Variants in AFAP1 observed in about 807,000 individuals in gnomAD.
The protein encoded by AFAP1 is actin filament associated protein 1, also known as actin filament-associated protein 1.
AFAP1 carries 75 observed loss-of-function variants against 93.9 expected under a neutral mutation model. The ratio of observed to expected loss-of-function variants is 0.80; its 90% CI spans 0.66 to 0.97. The LOEUF is 0.97. Among genes scored for constraint, AFAP1 ranks in the 50% least tolerant of loss-of-function variants. AFAP1 has a pLI of 0.00. For synonymous variants in AFAP1, 517 were observed against 430.7 expected (o/e 1.20, Z -2.48); for missense variants, 1,201 against 1,050.8 (o/e 1.14, Z -1.98).
chr4:7,790,480 G>A (rs1469139905), intron 11 of AFAP1, among the ~76,000 whole-genome samples: 1 of 152,086 alleles, frequency 6.6e-6, no homozygotes, highest in African/African-American at 2.4e-5. Flanking sequence ...TTAATTCAGG[G>A]TTTCTCTTAA....
chr4:7,929,256 C>G (rs1174462084), intron 1 of AFAP1, among the ~76,000 whole-genome samples: 1 of 152,192 alleles, frequency 6.6e-6, no homozygotes, highest in Non-Finnish European at 1.5e-5. Context: ...TGTGCCACAG[C>G]TGACTGATGT....
At chr4:7,891,868 T>A (rs996373124) in intron 1 of AFAP1, among the ~76,000 whole-genome samples, 3 of 149,874 alleles carry the variant, frequency 2.0e-5, no homozygotes, top group Non-Finnish European at 2.9e-5. Flanking sequence ...GTGGCCAACA[T>A]GGTGAAACCC....
chr4:7,809,153 G>A (rs552734006), intron 9 of AFAP1, among the ~76,000 whole-genome samples: 65 of 151,918 alleles, frequency 4.3e-4, no homozygotes, highest in African/African-American at 1.3e-3. Context: ...CTGGCGTGCT[G>A]CACCCATTAA....
intron 16 of AFAP1, among the ~76,000 whole-genome samples, chr4:7,771,080 T>G (rs1387036049): frequency 6.6e-6 from 1 of 152,258 alleles, no homozygotes; most frequent in South Asian, 2.1e-4. Flanking sequence ...ACTGTTTCAC[T>G]GTTCTCCACA....
chr4:7,863,142 G>A (rs553982739), intron 3 of AFAP1, among the ~76,000 whole-genome samples: 93 of 152,330 alleles, frequency 6.1e-4, no homozygotes, highest in Admixed American at 2.7e-3. Context: ...AAAGCCAGGC[G>A]CGGTGGCTCA....
chr4:7,772,134 G>A (rs1190754628), intron 16 of AFAP1: 1 of 152,264 alleles, frequency 6.6e-6, no homozygotes, highest in Non-Finnish European at 1.5e-5. Context: ...GGCACCCACG[G>A]TGTTTCGGCT....
intron 9 of AFAP1, among the ~76,000 whole-genome samples, chr4:7,803,843 G>A (rs780560825): frequency 2.6e-5 from 4 of 152,244 alleles, no homozygotes; most frequent in South Asian, 2.1e-4. Flanking sequence ...TGCAATTATC[G>A]TAATACCCCC....
chr4:7,876,838 G>A (rs1039031951), intron 1 of AFAP1, among the ~76,000 whole-genome samples: 6 of 152,190 alleles, frequency 3.9e-5, no homozygotes, highest in South Asian at 2.1e-4. Context: ...CTCAGAAAGC[G>A]AAATACTCCC....
intron 4 of AFAP1, among the ~76,000 whole-genome samples, chr4:7,854,331 C>A (rs1195608089): frequency 1.3e-5 from 2 of 152,136 alleles, no homozygotes; most frequent in African/African-American, 4.8e-5. Context: ...CAGTCTGTGC[C>A]CCGACTGCTC....
chr4:7,824,030 A>C (rs1285789970), intron 6 of AFAP1, among the ~76,000 whole-genome samples: 1 of 152,258 alleles, frequency 6.6e-6, no homozygotes, highest in Non-Finnish European at 1.5e-5. Flanking sequence ...GGTTATTTTC[A>C]TGAAACTGTC....
chr4:7,773,394 T>C lies in AFAP1; in HGVS notation c.2063-384A>G, dbSNP rs151223549. Reference sequence around the variant, plus strand: ...TAACGCTCCGCCGATCCTTCAGTCATCTTATTTGCGCCCGAGGCAATGAAC... The same window carrying C: ...TAACGCTCCGCCGATCCTTCAGTCACCTTATTTGCGCCCGAGGCAATGAAC... On this transcript the variant is annotated intron_variant, in intron 15 of 17. Transcript: ENST00000420658. 367 of 202,502 alleles carry C rather than the reference T, an allele frequency of 1.8e-3. 1 individual carries two copies. Among genetic ancestry groups the C allele is most frequent in the East Asian group, 5.0e-3 (38 of 7,558 alleles). 12.5% of individuals were successfully genotyped at this position (202,502 alleles called of 1,614,324 possible). A position where few individuals can be genotyped will look rare whatever the true frequency, so the allele number is the denominator to read the frequency against.
At chr4:7,774,638 G>A in intron 15 of AFAP1, 101 bp downstream of exon 15, 1 of 1,463,990 alleles carries the variant, frequency 6.8e-7, no homozygotes, top group Non-Finnish European at 9.1e-7. Context: ...TAAATAAAAT[G>A]ACAGCCTTGG....
At chr4:7,867,106 TAGAGGGGAGGGGAGGGTAGGGGAGCGG>T (rs1716499539) in intron 3 of AFAP1, among the ~76,000 whole-genome samples, 2 of 28,046 alleles carry the variant, frequency 7.1e-5, no homozygotes, top group Non-Finnish European at 1.2e-4. Context: ...GAGAGGGGAG[TAGAGGGGAGGGGAGGGTAGGGGAGCGG>T]AGGGGAGGGG....
intron 12 of AFAP1, among the ~76,000 whole-genome samples, chr4:7,783,859 G>A (rs1200732541): frequency 1.3e-5 from 2 of 152,214 alleles, no homozygotes; most frequent in Non-Finnish European, 2.9e-5. Flanking sequence ...AAAGGCGTGT[G>A]AAAGGGTCTT....
At chr4:7,890,934 A>G (rs1046755811) in intron 1 of AFAP1, among the ~76,000 whole-genome samples, 4 of 152,202 alleles carry the variant, frequency 2.6e-5, no homozygotes, top group African/African-American at 9.6e-5. Flanking sequence ...CCTAAGAGAC[A>G]TTACTGCATG....
intron 12 of AFAP1, among the ~76,000 whole-genome samples, chr4:7,783,532 A>C (rs1716980035): frequency 6.6e-6 from 1 of 152,222 alleles, no homozygotes; most frequent in South Asian, 2.1e-4. Flanking sequence ...AGTTTCAGGA[A>C]GGGCCTGGGC....
At chr4:7,869,596 G>A (rs1160393457) in intron 2 of AFAP1, among the ~76,000 whole-genome samples, 2 of 152,228 alleles carry the variant, frequency 1.3e-5, no homozygotes, top group Non-Finnish European at 2.9e-5. Flanking sequence ...CGATACCAGT[G>A]CAGGCAGGAA....
rs139897069 is a variant in AFAP1, at chr4:7,811,102, C to T, written c.905-1339G>A. On this transcript the variant is annotated intron_variant, in intron 8 of 17. Transcript: ENST00000420658. The stretch of plus-strand genomic sequence containing the variant: ...CCTGAGGGCCGTTATGTGCCCAGCA[C>T]TGGAGCTGAGGGGAGGCCGGCGAGG... Among the ~76,000 whole-genome samples the T allele has an allele frequency of 2.9e-4, 44 of 152,308 alleles. No homozygotes were observed. The Middle Eastern group carries it at 0.014, about 47-fold the overall frequency.
intron 6 of AFAP1, among the ~76,000 whole-genome samples, chr4:7,825,970 A>G (rs972886924): frequency 1.3e-5 from 2 of 151,488 alleles, no homozygotes; most frequent in African/African-American, 4.8e-5. Context: ...AAAAAAAAAA[A>G]GTCCTAGTAC....
Sources: allele counts gnomAD v4.1 joint callset (sites outside exome capture counted in the v4.1 genomes callset), GRCh38; gene constraint gnomAD v4.1.1; transcripts MANE v1.5; gene names NCBI Gene and HGNC (gene_info 2026-07-23, HGNC 2026-07-21).